CDH13: variants seen among roughly 807,000 people sequenced by gnomAD.
CDH13 encodes cadherin 13.
Under a neutral mutation model 63.8 loss-of-function variants are expected in CDH13, and 24 were observed. That is an observed-to-expected ratio of 0.38 (90% CI 0.27 to 0.53). The LOEUF is 0.53. Ranked by LOEUF, CDH13 falls within the 20% of genes least tolerant of loss-of-function variation. The pLI, the probability that CDH13 is intolerant of heterozygous loss-of-function variation, is 0.85. For missense variants in CDH13, 1,049 were observed against 903.1 expected (o/e 1.16, Z -2.07); for synonymous variants, 503 against 355.3 (o/e 1.42, Z -4.67).
Position 82,699,587 on chromosome 16 carries a change from G to A in CDH13, c.45+72450G>A, listed in dbSNP as rs558386229. Among the ~76,000 whole-genome samples the A allele has an allele frequency of 4.6e-5, 7 of 152,254 alleles. No individual in the cohort carries two copies. In the South Asian group the frequency reaches 1.5e-3, roughly 32 times the overall value. On this transcript the variant is annotated intron_variant, in intron 1 of 13. Coordinates refer to ENST00000567109, the MANE Select transcript of CDH13 (RefSeq NM_001257.5). ...TCTCCACTAAGAACCTTTTAGAAATGGTATTTAAGAGAATGTGCATAAAAC... is the reference window on the plus strand; with the variant it reads ...TCTCCACTAAGAACCTTTTAGAAATAGTATTTAAGAGAATGTGCATAAAAC...
At chr16:82,885,697 T>G (rs2040863856) in intron 2 of CDH13, among the ~76,000 whole-genome samples, 1 of 152,200 alleles carries the variant, frequency 6.6e-6, no homozygotes, top group Admixed American at 6.6e-5. Context: ...AGTGCATTGG[T>G]TACAAGCACA....
chr16:83,382,743 C>G lies in CDH13; in HGVS notation c.781+37737C>G, dbSNP rs181687218. Among the ~76,000 whole-genome samples, 212 of 152,262 alleles carry G rather than the reference C, an allele frequency of 1.4e-3. 3 individuals are homozygous for G. Among genetic ancestry groups the G allele is most frequent in the Non-Finnish European group, 4.0e-4 (27 of 68,014 alleles). On this transcript the variant is annotated intron_variant, in intron 6 of 13. Transcript: ENST00000567109. ...AATCTTCATTAACCTCAGATCTGTC[C>G]AGCTGTCCTAGTGATGTCTCTTTTT... is the stretch of plus-strand genomic sequence containing the variant.
At chr16:82,709,111 T>C (rs2031720308) in intron 1 of CDH13, among the ~76,000 whole-genome samples, 1 of 148,272 alleles carries the variant, frequency 6.7e-6, no homozygotes, top group African/African-American at 2.7e-5. Context: ...ACAATGAACA[T>C]AACAATGGAT....
chr16:82,745,922 G>C (rs1041979148), intron 1 of CDH13, among the ~76,000 whole-genome samples: 2 of 151,948 alleles, frequency 1.3e-5, no homozygotes, highest in African/African-American at 4.8e-5. Context: ...TAATATTTTT[G>C]TGGTTCTTAA....
intron 1 of CDH13, among the ~76,000 whole-genome samples, chr16:82,676,998 C>G (rs548486224): frequency 6.6e-6 from 1 of 152,206 alleles, no homozygotes; most frequent in Non-Finnish European, 1.5e-5. Context: ...ATTCTCCTGC[C>G]TCAGCCTCTC....
intron 11 of CDH13, among the ~76,000 whole-genome samples, chr16:83,762,058 C>T (rs1355841004): frequency 1.3e-5 from 2 of 151,868 alleles, no homozygotes; most frequent in Non-Finnish European, 2.9e-5. Context: ...CGAGACCCCA[C>T]CTAAAAAATA....
Position 83,216,874 on chromosome 16 carries a change from C to T in CDH13, c.484-471C>T, listed in dbSNP as rs182778827. Among the ~76,000 whole-genome samples the T allele has an allele frequency of 2.0e-3, 300 of 151,984 alleles. 1 individual carries two copies. The highest frequency in any genetic ancestry group is 6.9e-3 in the African/African-American group (285 of 41,446). ...GATGAGACAAAGTGCTTCCTCTGCA[C>T]CATGCCTAGTACCTAGTAGAAGTGA... On this transcript the variant is annotated intron_variant, in intron 4 of 13. Transcript: ENST00000567109.
intron 5 of CDH13, among the ~76,000 whole-genome samples, chr16:83,294,965 A>T (rs1030413712): frequency 2.0e-5 from 3 of 152,166 alleles, no homozygotes; most frequent in African/African-American, 7.2e-5. Flanking sequence ...GTATCACACT[A>T]CCTGACTTCA....
At chr16:83,227,499 A>G (rs2039876426) in intron 5 of CDH13, among the ~76,000 whole-genome samples, 1 of 152,170 alleles carries the variant, frequency 6.6e-6, no homozygotes, top group East Asian at 1.9e-4. Flanking sequence ...CAGGGAATAA[A>G]GGCAAATGTG....
chr16:82,873,513 T>C (rs768736472), intron 2 of CDH13, among the ~76,000 whole-genome samples: 11 of 152,126 alleles, frequency 7.2e-5, no homozygotes, highest in Non-Finnish European at 1.5e-5. Context: ...AGGACAGTGG[T>C]GTGGGCTCCT....
intron 2 of CDH13, among the ~76,000 whole-genome samples, chr16:82,968,456 A>G (rs17744685): frequency 0.11 from 17,197 of 152,284 alleles, 1,232 homozygotes; most frequent in Middle Eastern, 0.16. Context: ...GGGTTAAGTG[A>G]CAGTTCTCCT....
intron 8 of CDH13, among the ~76,000 whole-genome samples, chr16:83,618,553 C>T (rs1048109489): frequency 6.6e-6 from 1 of 152,056 alleles, no homozygotes; most frequent in African/African-American, 2.4e-5. Context: ...AATGCTGCTG[C>T]CGATGAGAAA....
intron 2 of CDH13, among the ~76,000 whole-genome samples, chr16:82,897,831 A>G (rs955658014): frequency 6.6e-6 from 1 of 152,212 alleles, no homozygotes; most frequent in Non-Finnish European, 1.5e-5. Flanking sequence ...GTTTATCTTG[A>G]TCATTTCTTT....
rs145587279 is a variant in CDH13, at chr16:83,673,786, C to A, written c.1284+2814C>A. ...TGAGAGAGAGGTGTGCCAGGTGGTTCTGTTGTTCACAGGGCACACCACTTG... is the reference window on the plus strand; with the variant it reads ...TGAGAGAGAGGTGTGCCAGGTGGTTATGTTGTTCACAGGGCACACCACTTG... On this transcript the variant is annotated intron_variant, in intron 9 of 13. Coordinates refer to ENST00000567109, the MANE Select transcript of CDH13 (RefSeq NM_001257.5). 1.5e-4 allele frequency among the ~76,000 whole-genome samples: 23 copies of A among 152,348 alleles called. No homozygotes were observed. The East Asian group carries it at 3.7e-3, about 24-fold the overall frequency.
At chr16:83,093,824 G>A (rs541410206) in intron 3 of CDH13, among the ~76,000 whole-genome samples, 1 of 152,188 alleles carries the variant, frequency 6.6e-6, no homozygotes, top group African/African-American at 2.4e-5. Context: ...AAAATAAATG[G>A]ATACCAAAAT....
At chr16:82,823,418 T>C (rs1317656691) in intron 1 of CDH13, 4 of 151,512 alleles carry the variant, frequency 2.6e-5, no homozygotes, top group Non-Finnish European at 5.9e-5. Flanking sequence ...AAAAAGTACA[T>C]TTAAAAAAAA....
chr16:82,649,106 G>A (rs1036316975), intron 1 of CDH13, among the ~76,000 whole-genome samples: 8 of 152,054 alleles, frequency 5.3e-5, no homozygotes, highest in Non-Finnish European at 8.8e-5. Flanking sequence ...AGCGCGCACC[G>A]GCTTTCTTTA....
At chr16:83,511,033 C>G (rs1302633158) in intron 7 of CDH13, among the ~76,000 whole-genome samples, 1 of 151,536 alleles carries the variant, frequency 6.6e-6, no homozygotes, top group Admixed American at 6.6e-5. Flanking sequence ...CACGGACACG[C>G]ACGCATGCAC....
chr16:83,486,816 G>A (rs1236090771), intron 7 of CDH13, among the ~76,000 whole-genome samples, 161 bp downstream of exon 7: 1 of 152,104 alleles, frequency 6.6e-6, no homozygotes, highest in Non-Finnish European at 1.5e-5. Context: ...AGGGAAATGG[G>A]ATATTATGTG....
Sources: gnomAD v4.1 joint callset for allele counts (sites outside exome capture counted in the v4.1 genomes callset) on GRCh38, gnomAD v4.1.1 for gene constraint, MANE v1.5 for transcripts, NCBI Gene and HGNC (gene_info 2026-07-23, HGNC 2026-07-21) for gene names.